Variants in CASTOR2 observed in about 807,000 individuals in gnomAD.
CASTOR2 encodes the protein GATS protein like 2.
Under a neutral mutation model 31.2 loss-of-function variants are expected in CASTOR2, and 8 were observed. That is an observed-to-expected ratio of 0.26 (90% CI 0.15 to 0.46). The LOEUF is 0.46. Ranked by LOEUF, CASTOR2 falls within the 20% of genes least tolerant of loss-of-function variation. CASTOR2 has a pLI of 0.99. For synonymous variants in CASTOR2, 162 were observed against 158.7 expected (o/e 1.02, Z -0.16); for missense variants, 216 against 382.1 (o/e 0.57, Z 3.62).
intron 1 of CASTOR2, among the ~76,000 whole-genome samples, chr7:74,971,006 G>A (rs1295536201): frequency 6.6e-6 from 1 of 150,522 alleles, no homozygotes; most frequent in East Asian, 1.9e-4. Flanking sequence ...GTTTTTGTTT[G>A]TTTGTTTGAG....
At chr7:74,987,334 A>G (rs1563056396) in intron 1 of CASTOR2, among the ~76,000 whole-genome samples, 2 of 150,848 alleles carry the variant, frequency 1.3e-5, no homozygotes, top group South Asian at 4.3e-4. Flanking sequence ...CAACCTGGGA[A>G]GTGGAGGTTG....
In CASTOR2 at chr7:75,026,195, T is replaced by G. The variant is rs1316398241; in HGVS notation, c.*1496T>G. On this transcript the variant is annotated 3_prime_UTR_variant, in exon 9 of 9. Coordinates refer to ENST00000616305, the MANE Select transcript of CASTOR2 (RefSeq NM_001145064.3). ...GGTTTTGGCTCTGGCGGGGGTTTTT[T>G]TTTTTTTTTTTGAGATGGGAGTCTG... 3.4e-5 allele frequency among the ~76,000 whole-genome samples: 5 copies of G among 145,916 alleles called. 1 individual carries two copies. The South Asian group carries it at 8.7e-4, about 26-fold the overall frequency.
In CASTOR2 at chr7:74,980,745, C is replaced by G. The variant is rs1239525609; in HGVS notation, c.113+15647C>G. Among the ~76,000 whole-genome samples the G allele has an allele frequency of 5.0e-4, 63 of 125,178 alleles. 2 individuals are homozygous for G. Among genetic ancestry groups the G allele is most frequent in the Admixed American group, 2.0e-3 (26 of 12,904 alleles). The allele number at this position is 125,178 out of a possible 152,430, so 82.1% of individuals were successfully genotyped here. On this transcript the variant is annotated intron_variant, in intron 1 of 8. Coordinates refer to ENST00000616305, the MANE Select transcript of CASTOR2 (RefSeq NM_001145064.3). ...AGGAAGGGAAGCTGTTTATTTGTTTCAGATTGGCTGAGCTGTGGGGATGCG... is the reference window on the plus strand; with the variant it reads ...AGGAAGGGAAGCTGTTTATTTGTTTGAGATTGGCTGAGCTGTGGGGATGCG...
intron 1 of CASTOR2, among the ~76,000 whole-genome samples, chr7:74,992,978 A>G (rs1804248114): frequency 6.6e-6 from 1 of 152,034 alleles, no homozygotes; most frequent in African/African-American, 2.4e-5. Flanking sequence ...AGGCAGGTGG[A>G]TCATGAGGTC....
chr7:75,020,779 G>A (rs1286255593), intron 6 of CASTOR2, among the ~76,000 whole-genome samples: 9 of 151,406 alleles, frequency 5.9e-5, no homozygotes, highest in African/African-American at 1.2e-4. Flanking sequence ...ATGAGCCACC[G>A]CAACCAGCCT....
chr7:75,028,153 T>C lies in CASTOR2; in HGVS notation c.*3454T>C. On this transcript the variant is annotated 3_prime_UTR_variant, in exon 9 of 9. Transcript: ENST00000616305. ...TTTTTTTTGAGACGGAGTCTTGCTC[T>C]GTCGCCCAGGCTGGAGTGCTGTGGC... 7.3e-7 allele frequency: 1 copy of C among 1,368,738 alleles called. No homozygotes were observed. Among genetic ancestry groups the C allele is most frequent in the East Asian group, 2.5e-5 (1 of 39,832 alleles). 84.8% of individuals were successfully genotyped at this position (1,368,738 alleles called of 1,614,324 possible).
At chr7:74,986,893 T>A (rs1804079605) in intron 1 of CASTOR2, among the ~76,000 whole-genome samples, 2 of 151,384 alleles carry the variant, frequency 1.3e-5, no homozygotes, top group Admixed American at 1.3e-4. Context: ...TAAAATTTTT[T>A]AAATTTTTAA....
At chr7:74,986,636 G>A (rs1804073545) in intron 1 of CASTOR2, among the ~76,000 whole-genome samples, 1 of 152,090 alleles carries the variant, frequency 6.6e-6, no homozygotes, top group Admixed American at 6.6e-5. Flanking sequence ...TGCCCCTTAC[G>A]CCCCCTTCCG....
intron 2 of CASTOR2, among the ~76,000 whole-genome samples, chr7:75,012,469 A>C (rs1236559950): frequency 6.8e-6 from 1 of 146,514 alleles, no homozygotes; most frequent in African/African-American, 2.5e-5. Flanking sequence ...CACCCGGCTA[A>C]TTTTTTTTTG....
intron 2 of CASTOR2, among the ~76,000 whole-genome samples, chr7:75,009,117 C>T (rs1406161186): frequency 1.3e-4 from 20 of 151,758 alleles, no homozygotes; most frequent in East Asian, 1.2e-3. Context: ...CCGCCACGCC[C>T]GGCTAATGTT....
chr7:75,020,566 C>T (rs1804971687), intron 6 of CASTOR2, among the ~76,000 whole-genome samples: 2 of 151,280 alleles, frequency 1.3e-5, no homozygotes, highest in East Asian at 1.9e-4. Flanking sequence ...TCTCGGCTCA[C>T]TGCAAGCTCC....
chr7:75,002,792 T>G (rs1804526251), intron 1 of CASTOR2, among the ~76,000 whole-genome samples: 1 of 151,362 alleles, frequency 6.6e-6, no homozygotes, highest in South Asian at 2.1e-4. Flanking sequence ...GACCTTCGAG[T>G]ATAGAAGACA....
At chr7:75,009,631 G>A in intron 2 of CASTOR2, among the ~76,000 whole-genome samples, 1 of 151,402 alleles carries the variant, frequency 6.6e-6, no homozygotes, top group African/African-American at 2.4e-5. Flanking sequence ...GCCCCCACCA[G>A]GTGGAAAACA....
chr7:74,996,697 A>G (rs1246347376), intron 1 of CASTOR2, among the ~76,000 whole-genome samples: 1,712 of 134,318 alleles, frequency 0.013, 39 homozygotes, highest in African/African-American at 0.037. Context: ...TATGAAAGCA[A>G]CCACAGCATG....
chr7:75,012,686 T>C (rs1485908101), intron 2 of CASTOR2, among the ~76,000 whole-genome samples: 3 of 151,198 alleles, frequency 2.0e-5, no homozygotes, highest in Non-Finnish European at 4.4e-5. Context: ...TTGTCCAGAC[T>C]GGAGTGTAGT....
At chr7:75,005,634 C>G (rs1469966219) in intron 1 of CASTOR2, among the ~76,000 whole-genome samples, 2 of 152,154 alleles carry the variant, frequency 1.3e-5, no homozygotes, top group African/African-American at 4.8e-5. Context: ...TCTCACTTCT[C>G]GCGGATGAAT....
At position 75,008,052 on chromosome 7, in the gene CASTOR2, G is replaced by A; in HGVS notation, c.172G>A (p.Glu58Lys). The A allele has an allele frequency of 2.5e-6, 4 of 1,613,870 alleles. No homozygotes were observed. In the South Asian group the frequency reaches 4.4e-5, roughly 18 times the overall value. The change falls in exon 2 of 9, where the codon GAA becomes AAA. Residue 58 changes from glutamate to lysine, a missense_variant. By Grantham distance (56) the Glu-to-Lys change is moderately conservative. Coordinates refer to ENST00000616305, the MANE Select transcript of CASTOR2 (RefSeq NM_001145064.3). The stretch of plus-strand genomic sequence containing the variant: ...GGATTACACTATCATTGTCGATGAG[G>A]AAGGATTCCTAGGTAAGTGCTTCTC... The part of the protein sequence containing the change: ...PEDYTIIVDE[E>K]GFLELPSSEH...
chr7:75,024,116 C>T (rs1805069787), intron 7 of CASTOR2, among the ~76,000 whole-genome samples: 1 of 152,008 alleles, frequency 6.6e-6, no homozygotes, highest in Non-Finnish European at 1.5e-5. Flanking sequence ...GGTGAAACCC[C>T]ATCTCTACTA....
In CASTOR2 at chr7:75,029,322, G is replaced by A. The variant is rs1390336312; in HGVS notation, c.*4623G>A. On this transcript the variant is annotated 3_prime_UTR_variant, in exon 9 of 9. Coordinates refer to ENST00000616305, the MANE Select transcript of CASTOR2 (RefSeq NM_001145064.3). Reference sequence around the variant, plus strand: ...TTCCCAGCCCCAGCTAAGAGAGGGGGCTTTAGGGCAAGAGCACCTCAGCCC... The same window carrying A: ...TTCCCAGCCCCAGCTAAGAGAGGGGACTTTAGGGCAAGAGCACCTCAGCCC... Among the ~76,000 whole-genome samples, 3 of 151,896 alleles carry A rather than the reference G, an allele frequency of 2.0e-5. No individual in the cohort carries two copies. The highest frequency in any genetic ancestry group is 4.4e-5 in the Non-Finnish European group (3 of 67,992).
Sources: gnomAD v4.1 joint callset for allele counts (sites outside exome capture counted in the v4.1 genomes callset) on GRCh38, gnomAD v4.1.1 for gene constraint, MANE v1.5 for transcripts, NCBI Gene and HGNC (gene_info 2026-07-23, HGNC 2026-07-21) for gene names.